FBN2: variants seen among roughly 807,000 people sequenced by gnomAD.
FBN2 encodes fibrillin 2.
A neutral mutation model predicts 355.6 loss-of-function variants in FBN2; 105 were observed. That is an observed-to-expected ratio of 0.30 (90% CI 0.25 to 0.35). The LOEUF (loss-of-function observed/expected upper bound fraction) is 0.35, where lower values mean the gene tolerates loss of function less well. Ranked by LOEUF, FBN2 falls within the 10% of genes least tolerant of loss-of-function variation. The probability of loss-of-function intolerance (pLI) is 1.00; values close to 1 mark genes in which losing one functional copy is unlikely to be tolerated. For missense variants in FBN2, 3,280 were observed against 3,758.7 expected (o/e 0.87, Z 3.33); for synonymous variants, 1,350 against 1,301.2 (o/e 1.04, Z -0.81).
At chr5:128,393,647 C>T (rs897564819) in intron 9 of FBN2, among the ~76,000 whole-genome samples, 1 of 152,230 alleles carries the variant, frequency 6.6e-6, no homozygotes, top group Non-Finnish European at 1.5e-5. Context: ...AAGTGCAACT[C>T]ATAAAATTCC....
intron 15 of FBN2, among the ~76,000 whole-genome samples, chr5:128,370,201 A>G (rs1285071002): frequency 6.6e-6 from 1 of 152,220 alleles, no homozygotes; most frequent in East Asian, 1.9e-4. Context: ...ATAAGACAGT[A>G]AATGGTGAAC....
intron 23 of FBN2, among the ~76,000 whole-genome samples, chr5:128,348,778 G>A (rs562307437): frequency 1.5e-4 from 23 of 152,098 alleles, no homozygotes; most frequent in African/African-American, 5.3e-4. Context: ...GTTCAAACAT[G>A]ACACTAATAA....
At chr5:128,470,474 ACTTTTTCCAGCAACTCTAGGCAG>A (rs1754829633) in intron 5 of FBN2, among the ~76,000 whole-genome samples, 2 of 152,276 alleles carry the variant, frequency 1.3e-5, no homozygotes, top group South Asian at 4.1e-4. Context: ...TTTTATTGTG[ACTTTTTCCAGCAACTCTAGGCAG>A]CTGAGCTCAT....
intron 4 of FBN2, among the ~76,000 whole-genome samples, chr5:128,525,708 C>CA (rs1013893117): frequency 3.3e-5 from 5 of 152,176 alleles, no homozygotes; most frequent in Non-Finnish European, 5.9e-5. Flanking sequence ...CCCACACCCA[C>CA]ACAAGGAATC....
chr5:128,413,157 C>G (rs1753113580), intron 7 of FBN2, among the ~76,000 whole-genome samples: 1 of 152,072 alleles, frequency 6.6e-6, no homozygotes, highest in African/African-American at 2.4e-5. Context: ...TGAAACTTAG[C>G]AAAGAGGTAA....
intron 48 of FBN2, among the ~76,000 whole-genome samples, chr5:128,298,317 G>C (rs1749589562): frequency 6.6e-6 from 1 of 151,594 alleles, no homozygotes; most frequent in Non-Finnish European, 1.5e-5. Context: ...TATGTGTCTT[G>C]GTGTTGCTCT....
intron 55 of FBN2, among the ~76,000 whole-genome samples, chr5:128,286,450 A>G (rs1266691548): frequency 6.6e-6 from 1 of 152,228 alleles, no homozygotes; most frequent in African/African-American, 2.4e-5. Flanking sequence ...TTACATATGT[A>G]CCTACAGAAC....
chr5:128,350,544 C>T (rs1246290613), intron 21 of FBN2, among the ~76,000 whole-genome samples: 5 of 152,000 alleles, frequency 3.3e-5, no homozygotes, highest in Admixed American at 1.3e-4. Context: ...AGCGAGACTC[C>T]GTCTCAAAAA....
At chr5:128,517,618 T>C (rs1756315585) in intron 5 of FBN2, among the ~76,000 whole-genome samples, 1 of 152,180 alleles carries the variant, frequency 6.6e-6, no homozygotes, top group Admixed American at 6.5e-5. Context: ...TACATCCAAA[T>C]GTATGTGAAA....
At chr5:128,496,082 G>A (rs887138394) in intron 5 of FBN2, among the ~76,000 whole-genome samples, 1 of 151,984 alleles carries the variant, frequency 6.6e-6, no homozygotes, top group East Asian at 1.9e-4. Flanking sequence ...AGGCCCAGAT[G>A]GCTTTACTGG....
At position 128,349,495 on chromosome 5, in the gene FBN2, G is replaced by C. The variant is rs767842034; in HGVS notation, c.2864-23C>G. 3 of 1,612,710 alleles carry C rather than the reference G, an allele frequency of 1.9e-6. No homozygotes were observed. In the South Asian group the frequency reaches 3.3e-5, roughly 18 times the overall value. ...CATCTGCAGGGAAATGCAGCAAGCA[G>C]AGGAGCAAAGATGTTACAAATAGAA... On this transcript the variant is annotated intron_variant, in intron 22 of 64. Coordinates refer to ENST00000262464, the MANE Select transcript of FBN2 (RefSeq NM_001999.4).
chr5:128,361,978 C>A, intron 18 of FBN2, 130 bp from the exon 19 acceptor site: 1 of 932,142 alleles, frequency 1.1e-6, no homozygotes, highest in Non-Finnish European at 1.7e-6. Flanking sequence ...TGTATCACAG[C>A]GCACTCTTCA....
At chr5:128,475,648 AATG>A (rs1247371641) in intron 5 of FBN2, among the ~76,000 whole-genome samples, 1 of 152,194 alleles carries the variant, frequency 6.6e-6, no homozygotes, top group African/African-American at 2.4e-5. Flanking sequence ...AGACAGAAAT[AATG>A]ATAATAAAAA....
chr5:128,264,224 T>TCC, intron 62 of FBN2, among the ~76,000 whole-genome samples: 1 of 152,206 alleles, frequency 6.6e-6, no homozygotes, highest in Non-Finnish European at 1.5e-5. Context: ...TTGTATCCAT[T>TCC]CCCCCAGCAA....
At chr5:128,453,996 C>A (rs540233477) in intron 6 of FBN2, among the ~76,000 whole-genome samples, 13 of 151,292 alleles carry the variant, frequency 8.6e-5, no homozygotes, top group South Asian at 6.4e-4. Flanking sequence ...GCTTGCCCCC[C>A]CCCCAAGTTT....
chr5:128,366,411 A>G lies in FBN2; in HGVS notation c.2268T>C (p.Cys756=). 6.2e-7 allele frequency: 1 copy of G among 1,605,372 alleles called. No individual in the cohort carries two copies. Among genetic ancestry groups the G allele is most frequent in the Non-Finnish European group, 8.5e-7 (1 of 1,173,256 alleles). The part of the protein sequence containing the change: ...AKNSAEFHGL[C]SSGVGITVDG... ...CCACAGTGATACCTACTCCACTACTACAAAGGCCGTGGAATTCAGCTGTAT... is the reference window on the plus strand; with the variant it reads ...CCACAGTGATACCTACTCCACTACTGCAAAGGCCGTGGAATTCAGCTGTAT... Residue 756 remains cysteine, a synonymous_variant, in exon 17 of 65, where the codon TGT becomes TGC. Coordinates refer to ENST00000262464, the MANE Select transcript of FBN2 (RefSeq NM_001999.4).
At chr5:128,364,030 A>AGG (rs1251430500) in intron 18 of FBN2, among the ~76,000 whole-genome samples, 39 of 152,340 alleles carry the variant, frequency 2.6e-4, no homozygotes, top group Middle Eastern at 3.4e-3. Flanking sequence ...AGTCCACTCA[A>AGG]GTGCTTTATG....
intron 5 of FBN2, among the ~76,000 whole-genome samples, chr5:128,499,480 T>C (rs1366900907): frequency 1.3e-5 from 2 of 152,178 alleles, no homozygotes; most frequent in Admixed American, 1.3e-4. Context: ...GAGATTCTTA[T>C]GTAATTGATA....
chr5:128,310,670 G>A (rs534751195), intron 39 of FBN2, among the ~76,000 whole-genome samples: 15 of 151,952 alleles, frequency 9.9e-5, no homozygotes, highest in Non-Finnish European at 2.1e-4. Flanking sequence ...AGTTATAATG[G>A]AAATAATTAC....
Sources: allele counts gnomAD v4.1 joint callset (sites outside exome capture counted in the v4.1 genomes callset), GRCh38; gene constraint gnomAD v4.1.1; transcripts MANE v1.5; gene names NCBI Gene and HGNC (gene_info 2026-07-23, HGNC 2026-07-21).